The following CSMD1 variants were observed in gnomAD, a reference collection of about 807,000 sequenced individuals.
CSMD1 encodes CUB and Sushi multiple domains 1.
In CSMD1, 213 loss-of-function variants were observed where a neutral mutation model predicts 417.5. That is an observed-to-expected ratio of 0.51 (90% CI 0.46 to 0.57). The LOEUF (loss-of-function observed/expected upper bound fraction) is 0.57. Ranked by LOEUF, CSMD1 falls within the 20% of genes least tolerant of loss-of-function variation. The pLI is 0.00. For missense variants in CSMD1, 6,923 were observed against 4,529.7 expected, an observed-to-expected ratio of 1.53 and a Z score of -15.17; for synonymous variants, 2,862 against 1,736.8, an observed-to-expected ratio of 1.65 and a Z score of -16.11.
intron 1 of CSMD1, among the ~76,000 whole-genome samples, chr8:4,987,489 T>C (rs1811240432): frequency 6.6e-6 from 1 of 152,254 alleles, no homozygotes; most frequent in African/African-American, 2.4e-5. Flanking sequence ...AAGTTGTAGT[T>C]ATCTCTATCA....
At position 3,187,834 on chromosome 8, in the gene CSMD1, G is replaced by A. The variant is rs372766152; in HGVS notation, c.5620+35C>T. 2.0e-6 allele frequency: 3 copies of A among 1,507,422 alleles called. No homozygotes were observed. The African/African-American group carries it at 4.1e-5, about 21-fold the overall frequency. The allele number at this position is 1,507,422 out of a possible 1,614,324, so 93.4% of individuals were successfully genotyped here. On this transcript the variant is annotated intron_variant, in intron 36 of 69. Coordinates refer to ENST00000635120, the MANE Select transcript of CSMD1 (RefSeq NM_033225.6). Reference sequence around the variant, plus strand: ...TGTTTTCTTGGTGTTTGCAGATTTTGAGTCACACAGGTGAGGAAATTGACT... The same window carrying A: ...TGTTTTCTTGGTGTTTGCAGATTTTAAGTCACACAGGTGAGGAAATTGACT...
intron 1 of CSMD1, among the ~76,000 whole-genome samples, chr8:4,650,238 G>A (rs929709521): frequency 1.3e-5 from 2 of 151,108 alleles, no homozygotes; most frequent in Admixed American, 6.6e-5. Flanking sequence ...CCAGCTACTC[G>A]GGAGGCTGAG....
At chr8:4,599,348 T>C (rs545491528) in intron 2 of CSMD1, among the ~76,000 whole-genome samples, 26 of 152,084 alleles carry the variant, frequency 1.7e-4, no homozygotes, top group Non-Finnish European at 3.4e-4. Flanking sequence ...CAGAATAGCA[T>C]GGTCACCCTG....
chr8:3,180,258 T>C (rs1443847815), intron 37 of CSMD1, among the ~76,000 whole-genome samples: 1 of 152,220 alleles, frequency 6.6e-6, no homozygotes, highest in Non-Finnish European at 1.5e-5. Context: ...TATCAGACTA[T>C]TAACTCTGTC....
chr8:3,505,527 T>G (rs1238632494), intron 10 of CSMD1, among the ~76,000 whole-genome samples: 1 of 152,142 alleles, frequency 6.6e-6, no homozygotes, highest in Non-Finnish European at 1.5e-5. Context: ...GAAATAAAGC[T>G]GTATGACAAT....
At chr8:4,738,663 T>C (rs1810400903) in intron 1 of CSMD1, among the ~76,000 whole-genome samples, 1 of 152,148 alleles carries the variant, frequency 6.6e-6, no homozygotes, top group Non-Finnish European at 1.5e-5. Context: ...CTGTCATTTT[T>C]TGACAAAGTA....
At chr8:4,729,239 T>C (rs1042646022) in intron 1 of CSMD1, among the ~76,000 whole-genome samples, 1 of 152,144 alleles carries the variant, frequency 6.6e-6, no homozygotes, top group Admixed American at 6.6e-5. Context: ...CAGAAAATTA[T>C]GCTGACGAGG....
intron 7 of CSMD1, among the ~76,000 whole-genome samples, chr8:3,626,401 T>C (rs1298529118): frequency 6.6e-6 from 1 of 152,196 alleles, no homozygotes; most frequent in Non-Finnish European, 1.5e-5. Flanking sequence ...GGCCAGTTTA[T>C]ATTACTTTGC....
intron 4 of CSMD1, among the ~76,000 whole-genome samples, chr8:4,002,785 T>A (rs994778917): frequency 1.3e-5 from 2 of 152,146 alleles, no homozygotes; most frequent in African/African-American, 2.4e-5. Flanking sequence ...AAGAACTGAA[T>A]AGAAAGTTTT....
At chr8:4,338,422 C>T (rs928047169) in intron 3 of CSMD1, among the ~76,000 whole-genome samples, 1 of 152,042 alleles carries the variant, frequency 6.6e-6, no homozygotes, top group South Asian at 2.1e-4. Flanking sequence ...GAATCAAGAC[C>T]TCATCAGAGC....
intron 11 of CSMD1, among the ~76,000 whole-genome samples, chr8:3,487,355 C>T (rs992127652): frequency 1.3e-5 from 2 of 152,114 alleles, no homozygotes; most frequent in East Asian, 1.9e-4. Flanking sequence ...GCGCCCGCCA[C>T]CACGCCCGGC....
chr8:4,978,124 G>A (rs993495494), intron 1 of CSMD1, among the ~76,000 whole-genome samples: 3 of 152,120 alleles, frequency 2.0e-5, no homozygotes, highest in Non-Finnish European at 4.4e-5. Context: ...CTATTCCAAA[G>A]GTCTCAGTCA....
At chr8:4,098,650 G>C (rs1031181078) in intron 3 of CSMD1, among the ~76,000 whole-genome samples, 1 of 152,224 alleles carries the variant, frequency 6.6e-6, no homozygotes, top group East Asian at 1.9e-4. Flanking sequence ...CGTATTGGTG[G>C]TTTTTAATTC....
chr8:4,819,710 C>T lies in CSMD1; in HGVS notation c.85+174622G>A, dbSNP rs535876175. ...TCTGTCCCAGTGTTTCTACAGAGTT[C>T]TTACAGATAAAACCATTGAACGGAA... On this transcript the variant is annotated intron_variant, in intron 1 of 69. Coordinates refer to ENST00000635120, the MANE Select transcript of CSMD1 (RefSeq NM_033225.6). Among the ~76,000 whole-genome samples the T allele has an allele frequency of 1.1e-4, 17 of 152,214 alleles. No homozygotes were observed. The South Asian group carries it at 3.1e-3, about 28-fold the overall frequency.
chr8:4,315,058 G>A (rs116403309), intron 3 of CSMD1, among the ~76,000 whole-genome samples: 1,870 of 152,214 alleles, frequency 0.012, 30 homozygotes, highest in African/African-American at 0.043. Flanking sequence ...GCTTCCCACT[G>A]CCCCGACCAT....
At position 4,334,838 on chromosome 8, in the gene CSMD1, C is replaced by T. The variant is rs1800078641; in HGVS notation, c.415+85115G>A. Reference sequence around the variant, plus strand: ...TATTCGGAGGTTTTTAAAGAAAAGACATTTATTTCTCATTGATCTGGAGGC... The same window carrying T: ...TATTCGGAGGTTTTTAAAGAAAAGATATTTATTTCTCATTGATCTGGAGGC... On this transcript the variant is annotated intron_variant, in intron 3 of 69. Coordinates refer to ENST00000635120, the MANE Select transcript of CSMD1 (RefSeq NM_033225.6). Among the ~76,000 whole-genome samples the T allele has an allele frequency of 2.0e-5, 3 of 152,044 alleles. 1 individual carries two copies. Among genetic ancestry groups the T allele is most frequent in the African/African-American group, 7.2e-5 (3 of 41,424 alleles).
Position 4,372,500 on chromosome 8 carries a change from A to C in CSMD1, c.415+47453T>G, listed in dbSNP as rs188773015. On this transcript the variant is annotated intron_variant, in intron 3 of 69. Coordinates refer to ENST00000635120, the MANE Select transcript of CSMD1 (RefSeq NM_033225.6). ...TCACTTAAAACAACAACAACAAAAA[A>C]CAGAAAAAAAGTCCTCTAATACCTC... 9.4e-3 allele frequency among the ~76,000 whole-genome samples: 1,427 copies of C among 152,182 alleles called. 22 individuals carry two copies. The highest frequency in any genetic ancestry group is 0.032 in the African/African-American group (1,326 of 41,480).
At chr8:4,403,149 A>G (rs1217226908) in intron 3 of CSMD1, among the ~76,000 whole-genome samples, 1 of 152,140 alleles carries the variant, frequency 6.6e-6, no homozygotes, top group East Asian at 1.9e-4. Flanking sequence ...CTCACTTTTT[A>G]AAGCTTCCAC....
In CSMD1 at chr8:4,105,065, T is replaced by G. The variant is rs533809166; in HGVS notation, c.416-72966A>C. On this transcript the variant is annotated intron_variant, in intron 3 of 69. Transcript: ENST00000635120. Reference sequence around the variant, plus strand: ...GCCTAATTCCAACTAAAGGCAGCAATGAAATTTAAAGTAAAGACAGCAAGG... The same window carrying G: ...GCCTAATTCCAACTAAAGGCAGCAAGGAAATTTAAAGTAAAGACAGCAAGG... 2.0e-5 allele frequency among the ~76,000 whole-genome samples: 3 copies of G among 151,984 alleles called. No individual in the cohort carries two copies. In the East Asian group the frequency reaches 5.8e-4, roughly 29 times the overall value.
Sources: gnomAD v4.1 joint callset for allele counts (sites outside exome capture counted in the v4.1 genomes callset) on GRCh38, gnomAD v4.1.1 for gene constraint, MANE v1.5 for transcripts, NCBI Gene and HGNC (gene_info 2026-07-23, HGNC 2026-07-21) for gene names.